Variants in MTHFD2L observed in about 807,000 individuals in gnomAD.
MTHFD2L encodes the protein bifunctional methylenetetrahydrofolate dehydrogenase/cyclohydrolase 2, mitochondrial.
MTHFD2L carries 29 observed loss-of-function variants against 34.9 expected under a neutral mutation model. That is an observed-to-expected ratio of 0.83 (90% confidence interval 0.62 to 1.13). The LOEUF is 1.13. MTHFD2L is among the 50% of genes most tolerant of loss of function. MTHFD2L has a pLI of 0.00. For synonymous variants in MTHFD2L, 167 were observed against 155.7 expected (o/e 1.07, Z -0.54); for missense variants, 481 against 446.5 (o/e 1.08, Z -0.70).
intron 3 of MTHFD2L, among the ~76,000 whole-genome samples, chr4:74,189,394 G>A (rs956893295): frequency 3.3e-5 from 5 of 151,576 alleles, no homozygotes; most frequent in Admixed American, 6.6e-5. Flanking sequence ...AAGAGCTTAT[G>A]AGCAAGGGGA....
intron 3 of MTHFD2L, among the ~76,000 whole-genome samples, chr4:74,193,007 AG>A (rs909019207): frequency 1.3e-5 from 2 of 152,076 alleles, no homozygotes; most frequent in African/African-American, 2.4e-5. Flanking sequence ...GTTATTTTTA[AG>A]AAACCTTTTC....
At chr4:74,228,129 G>A (rs953753588) in intron 6 of MTHFD2L, among the ~76,000 whole-genome samples, 2 of 152,142 alleles carry the variant, frequency 1.3e-5, no homozygotes, top group Admixed American at 1.3e-4. Flanking sequence ...TTACATTTGG[G>A]TGATATCAAA....
chr4:74,209,444 GT>G lies in MTHFD2L; in HGVS notation c.712+8077del, dbSNP rs1282841477. 7.2e-5 allele frequency among the ~76,000 whole-genome samples: 11 copies of G among 152,266 alleles called. No individual in the cohort carries two copies. The South Asian group carries it at 2.1e-3, about 29-fold the overall frequency. On this transcript the variant is annotated intron_variant, in intron 5 of 7. Transcript: ENST00000325278. ...CCACTTATGAATGGGAACATGTGGT[GT>G]TTGGTTTTCCGTTCCTGTGTTAGTT... is the stretch of plus-strand genomic sequence containing the variant.
intron 1 of MTHFD2L, among the ~76,000 whole-genome samples, chr4:74,164,530 G>A (rs965728664): frequency 1.3e-5 from 2 of 152,176 alleles, no homozygotes; most frequent in East Asian, 1.9e-4. Context: ...TCTGGTTATC[G>A]AAATATGTCT....
chr4:74,158,831 C>T (rs987327486), intron 1 of MTHFD2L, among the ~76,000 whole-genome samples: 1 of 152,164 alleles, frequency 6.6e-6, no homozygotes, highest in African/African-American at 2.4e-5. Context: ...GGTGATGAGA[C>T]TTAGATTCAT....
intron 7 of MTHFD2L, among the ~76,000 whole-genome samples, chr4:74,295,401 C>G (rs924212564): frequency 3.3e-5 from 5 of 152,158 alleles, no homozygotes; most frequent in African/African-American, 9.7e-5. Flanking sequence ...AAATCTTTCT[C>G]TGATCCCCAT....
intron 5 of MTHFD2L, among the ~76,000 whole-genome samples, chr4:74,206,391 T>C (rs1021022817): frequency 1.3e-5 from 2 of 152,114 alleles, no homozygotes; most frequent in Admixed American, 1.3e-4. Flanking sequence ...CTCTGGAATT[T>C]TGTGGCTGGG....
intron 6 of MTHFD2L, among the ~76,000 whole-genome samples, chr4:74,278,305 T>C (rs1449753809): frequency 2.0e-5 from 3 of 152,090 alleles, no homozygotes; most frequent in South Asian, 2.1e-4. Context: ...TAGTTTTGTA[T>C]TGAGTTTTTA....
intron 1 of MTHFD2L, among the ~76,000 whole-genome samples, chr4:74,167,091 G>A (rs967715706): frequency 1.3e-5 from 2 of 152,154 alleles, no homozygotes; most frequent in Non-Finnish European, 2.9e-5. Flanking sequence ...AAGGCTCCAG[G>A]ACTACTCCTA....
At chr4:74,115,159 C>T (rs1159791539) in intron 2 of MTHFD2L, among the ~76,000 whole-genome samples, 3 of 152,184 alleles carry the variant, frequency 2.0e-5, no homozygotes, top group Non-Finnish European at 4.4e-5. Context: ...ACTATTTCTT[C>T]TTCAAATATC....
chr4:74,269,930 A>C (rs929857682), intron 6 of MTHFD2L, among the ~76,000 whole-genome samples: 23 of 152,190 alleles, frequency 1.5e-4, no homozygotes, highest in Non-Finnish European at 2.6e-4. Context: ...AAGAAAACAA[A>C]ATACAGATCT....
intron 6 of MTHFD2L, among the ~76,000 whole-genome samples, chr4:74,252,645 G>A (rs939489111): frequency 1.3e-5 from 2 of 151,960 alleles, no homozygotes; most frequent in African/African-American, 4.8e-5. Flanking sequence ...ACACTAAATA[G>A]CAATATGAAC....
chr4:74,155,709 A>G (rs1311543958), upstream of MTHFD2L, among the ~76,000 whole-genome samples: 2 of 152,146 alleles, frequency 1.3e-5, no homozygotes, highest in Admixed American at 6.5e-5. Flanking sequence ...CAAAAATATA[A>G]AGGGTAAATA....
At chr4:74,143,474 G>A (rs1466463955) in intron 1 of MTHFD2L, 3 of 983,468 alleles carry the variant, frequency 3.1e-6, no homozygotes, top group Non-Finnish European at 3.6e-6. Flanking sequence ...GAGGGTATGT[G>A]GAACTGTCTC....
chr4:74,289,946 T>C (rs189470514), intron 7 of MTHFD2L, among the ~76,000 whole-genome samples: 229 of 152,274 alleles, frequency 1.5e-3, no homozygotes, highest in African/African-American at 5.4e-3. Context: ...AGGGGCTCTT[T>C]CCTGGTAGAG....
At chr4:74,253,973 C>T (rs1560533754) in intron 6 of MTHFD2L, among the ~76,000 whole-genome samples, 1 of 152,140 alleles carries the variant, frequency 6.6e-6, no homozygotes, top group Admixed American at 6.5e-5. Context: ...GCCAAGACTT[C>T]CTCAGTGGAC....
intron 7 of MTHFD2L, among the ~76,000 whole-genome samples, chr4:74,298,280 T>C (rs1415644866): frequency 6.6e-6 from 1 of 152,070 alleles, no homozygotes; most frequent in Non-Finnish European, 1.5e-5. Context: ...TAAATGTTTA[T>C]TAATGTTCAG....
At chr4:74,242,603 C>T (rs114777941) in intron 6 of MTHFD2L, among the ~76,000 whole-genome samples, 1,989 of 152,242 alleles carry the variant, frequency 0.013, 49 homozygotes, top group African/African-American at 0.046. Context: ...GGATTGGAAA[C>T]CAAGTCTGTC....
intron 3 of MTHFD2L, chr4:74,180,817 C>T (rs1188503226): frequency 6.2e-6 from 2 of 324,308 alleles, no homozygotes; most frequent in Non-Finnish European, 1.4e-5. Context: ...TTTCCTACTC[C>T]TGTCCTGACC....
Sources: allele counts gnomAD v4.1 joint callset (sites outside exome capture counted in the v4.1 genomes callset), GRCh38; gene constraint gnomAD v4.1.1; transcripts MANE v1.5; gene names NCBI Gene and HGNC (gene_info 2026-07-23, HGNC 2026-07-21).